The following NDEL1 variants were observed in gnomAD, a reference collection of about 807,000 sequenced individuals.
The protein encoded by NDEL1 is nudE neurodevelopment protein 1 like 1.
In NDEL1, 9 loss-of-function variants were observed where a neutral mutation model predicts 45.7. The observed-to-expected ratio is 0.20, with a 90% CI of 0.12 to 0.34. The LOEUF is 0.34. Ranked by LOEUF, NDEL1 falls within the 10% of genes least tolerant of loss-of-function variation. The probability of loss-of-function intolerance (pLI) is 1.00; values close to 1 mark genes in which losing one functional copy is unlikely to be tolerated. For synonymous variants in NDEL1, 133 were observed against 158.6 expected (o/e 0.84, Z 1.21); for missense variants, 306 against 406.2 (o/e 0.75, Z 2.12).
At chr17:8,432,359 A>ATATATATATTATATATAAATATATAT (rs1567722422), upstream of NDEL1, among the ~76,000 whole-genome samples, 3 of 59,808 alleles carry the variant, frequency 5.0e-5, no homozygotes, top group Non-Finnish European at 7.2e-5. Flanking sequence ...TATAAATATA[A>ATATATATATTATATATAAATATATAT]ATATATATAT....
intron 1 of NDEL1, among the ~76,000 whole-genome samples, chr17:8,438,464 G>A (rs768327085): frequency 3.3e-5 from 5 of 152,144 alleles, no homozygotes; most frequent in Non-Finnish European, 7.3e-5. Flanking sequence ...TGAAACTGTC[G>A]TTTGAGTATC....
At chr17:8,460,217 A>G (rs1911112129) in intron 8 of NDEL1, 57 bp downstream of exon 8, 1 of 1,550,386 alleles carries the variant, frequency 6.5e-7, no homozygotes, top group Admixed American at 1.9e-5. Flanking sequence ...ACAGGTTAGT[A>G]AGTGAGCATA....
At chr17:8,452,740 C>CTTTTTTTTTTTTT in intron 6 of NDEL1, among the ~76,000 whole-genome samples, 5 of 95,584 alleles carry the variant, frequency 5.2e-5, no homozygotes, top group South Asian at 4.1e-4. Flanking sequence ...TTTTTCTTCT[C>CTTTTTTTTTTTTT]TTTTTTTTTT....
intron 1 of NDEL1, among the ~76,000 whole-genome samples, chr17:8,437,281 G>T (rs1351337034): frequency 1.3e-5 from 2 of 152,140 alleles, no homozygotes; most frequent in Admixed American, 6.5e-5. Context: ...AAAACCTTTG[G>T]CCAGCCCTGG....
rs190883710 is a variant in NDEL1 at position 8,457,083 on chromosome 17, A to G, written c.792+2196A>G. 4.7e-3 allele frequency among the ~76,000 whole-genome samples: 710 copies of G among 152,368 alleles called. 7 individuals carry two copies. The highest frequency in any genetic ancestry group is 0.015 in the African/African-American group (644 of 41,590). ...CTTTAACTGTAATTTACTCAAAATCATACTGGGTTTTTAAATATTTCGTAT... is the reference window on the plus strand; with the variant it reads ...CTTTAACTGTAATTTACTCAAAATCGTACTGGGTTTTTAAATATTTCGTAT... On this transcript the variant is annotated intron_variant, in intron 7 of 8. Transcript: ENST00000334527.
upstream of NDEL1, among the ~76,000 whole-genome samples, chr17:8,432,675 C>A (rs376167066): frequency 6.6e-6 from 1 of 151,952 alleles, no homozygotes; most frequent in East Asian, 1.9e-4. Context: ...TGAGCCACTG[C>A]GCCTGGCCTA....
At chr17:8,418,564 T>C (rs1412487385) in intron 1 of NDEL1, among the ~76,000 whole-genome samples, 1 of 152,212 alleles carries the variant, frequency 6.6e-6, no homozygotes, top group Non-Finnish European at 1.5e-5. Context: ...ATTTTTCTAC[T>C]AGGGCAGGAC....
intron 4 of NDEL1, among the ~76,000 whole-genome samples, 165 bp from the exon 5 acceptor site, chr17:8,448,385 C>G (rs1235734760): frequency 1.3e-5 from 2 of 152,120 alleles, no homozygotes; most frequent in Non-Finnish European, 2.9e-5. Context: ...CTGATAGAGA[C>G]ACTACGTGCC....
chr17:8,417,661 G>T (rs1251469627), intron 1 of NDEL1, among the ~76,000 whole-genome samples: 1 of 152,134 alleles, frequency 6.6e-6, no homozygotes, highest in African/African-American at 2.4e-5. Flanking sequence ...CCAATCTCCT[G>T]CCTGGAGGAT....
intron 1 of NDEL1, among the ~76,000 whole-genome samples, chr17:8,413,998 A>G (rs1908485035): frequency 6.6e-6 from 1 of 152,244 alleles, no homozygotes; most frequent in Non-Finnish European, 1.5e-5. Context: ...TTTGGCATAT[A>G]GACATCTAGA....
intron 7 of NDEL1, 38 bp from the exon 8 acceptor site, chr17:8,459,971 G>C: frequency 5.0e-6 from 8 of 1,585,832 alleles, no homozygotes; most frequent in Non-Finnish European, 6.9e-6. Context: ...TGCAGCTACT[G>C]TTTTGACAAC....
At chr17:8,452,740 C>CTTTTTTTTTTTTTTTTTTTTTTTTT in intron 6 of NDEL1, among the ~76,000 whole-genome samples, 4 of 95,628 alleles carry the variant, frequency 4.2e-5, no homozygotes, top group Non-Finnish European at 6.0e-5. Context: ...TTTTTCTTCT[C>CTTTTTTTTTTTTTTTTTTTTTTTTT]TTTTTTTTTT....
rs569110497 is a variant in NDEL1 at position 8,442,936 on chromosome 17, C to T, written c.-12-1324C>T. Among the ~76,000 whole-genome samples, 503 of 152,120 alleles carry T rather than the reference C, an allele frequency of 3.3e-3. 2 individuals are homozygous for T. Among genetic ancestry groups the T allele is most frequent in the African/African-American group, 0.011 (473 of 41,504 alleles). On this transcript the variant is annotated intron_variant, in intron 1 of 8. Coordinates refer to ENST00000334527, the MANE Select transcript of NDEL1 (RefSeq NM_030808.5). ...GTGGGACTACAGGCGCCTGCCACCA[C>T]GCCCGGCTAATTTTTTGTATTTTTA...
intron 1 of NDEL1, among the ~76,000 whole-genome samples, chr17:8,416,339 T>A (rs1301613060): frequency 6.6e-6 from 1 of 152,232 alleles, no homozygotes; most frequent in East Asian, 1.9e-4. Context: ...TTCCCTGTTT[T>A]GGTGACATGC....
chr17:8,473,454 C>T (rs1021845469), intron 3 of NDEL1, among the ~76,000 whole-genome samples: 5 of 152,094 alleles, frequency 3.3e-5, no homozygotes, highest in Admixed American at 6.6e-5. Context: ...CCCAAAGTGC[C>T]GGGATTACAG....
At chr17:8,428,278 C>A (rs1208910556) in intron 1 of NDEL1, among the ~76,000 whole-genome samples, 2 of 150,172 alleles carry the variant, frequency 1.3e-5, no homozygotes, top group Non-Finnish European at 1.5e-5. Context: ...AAAGACTTTT[C>A]TCTCTATATA....
At chr17:8,432,101 A>T (rs1022810689), upstream of NDEL1, 1 of 151,278 alleles carries the variant, frequency 6.6e-6, no homozygotes, top group Non-Finnish European at 1.5e-5. Flanking sequence ...GCCTCAAGTG[A>T]TCTACCCGCC....
chr17:8,452,254 G>T (rs1910550922), intron 6 of NDEL1, among the ~76,000 whole-genome samples: 3 of 152,146 alleles, frequency 2.0e-5, no homozygotes, highest in Admixed American at 1.3e-4. Context: ...TTACTGATTA[G>T]AATTATGCAG....
chr17:8,454,761 G>C (rs369887197), intron 6 of NDEL1, 35 bp from the exon 7 acceptor site: 46 of 1,530,196 alleles, frequency 3.0e-5, no homozygotes, highest in Non-Finnish European at 4.1e-5. Context: ...AAAGGGAACT[G>C]CAAGTGTAAT....
Sources: allele counts gnomAD v4.1 joint callset (sites outside exome capture counted in the v4.1 genomes callset), GRCh38; gene constraint gnomAD v4.1.1; transcripts MANE v1.5; gene names NCBI Gene and HGNC (gene_info 2026-07-23, HGNC 2026-07-21).